Variants in RYR3 observed in about 807,000 individuals in gnomAD.
RYR3 encodes ryanodine receptor 3, also known as brain ryanodine receptor-calcium release channel.
In RYR3, 207 loss-of-function variants were observed where a neutral mutation model predicts 584.3. That is an observed-to-expected ratio of 0.35 (90% CI 0.32 to 0.40). RYR3 has a LOEUF of 0.40. RYR3 is among the 10% of genes least tolerant of loss of function. RYR3 has a pLI of 1.00. For synonymous variants in RYR3, 2,416 were observed against 2,248.5 expected, an observed-to-expected ratio of 1.07 and a Z score of -2.11; for missense variants, 5,616 against 6,089.2, an observed-to-expected ratio of 0.92 and a Z score of 2.59.
At chr15:33,615,249 CAAAG>C (rs1303429440) in intron 19 of RYR3, among the ~76,000 whole-genome samples, 1 of 152,084 alleles carries the variant, frequency 6.6e-6, no homozygotes, top group East Asian at 1.9e-4. Flanking sequence ...TCTGGGATCA[CAAAG>C]AAACCATTTC....
chr15:33,621,819 G>C (rs1334043733), intron 19 of RYR3, among the ~76,000 whole-genome samples: 1 of 152,142 alleles, frequency 6.6e-6, no homozygotes, highest in Non-Finnish European at 1.5e-5. Flanking sequence ...TCACGATTAG[G>C]ATATTTCCAC....
intron 81 of RYR3, 150 bp from the exon 82 acceptor site, chr15:33,825,453 T>G: frequency 1.8e-6 from 1 of 550,448 alleles, no homozygotes; most frequent in Non-Finnish European, 3.3e-6. Flanking sequence ...AACCAAGGAA[T>G]CATTAGACTT....
chr15:33,696,561 T>A, intron 39 of RYR3, 70 bp downstream of exon 39: 1 of 1,441,996 alleles, frequency 6.9e-7, no homozygotes, highest in Admixed American at 1.8e-5. Flanking sequence ...TACCTTGATA[T>A]AGAGATATAG....
At chr15:33,731,847 G>A (rs948929423) in intron 48 of RYR3, among the ~76,000 whole-genome samples, 153 bp downstream of exon 48, 16 of 152,182 alleles carry the variant, frequency 1.1e-4, no homozygotes, top group Non-Finnish European at 7.3e-5. Flanking sequence ...GGATGTGCTC[G>A]GCTCCCCTAT....
intron 1 of RYR3, among the ~76,000 whole-genome samples, chr15:33,323,267 A>G (rs941128554): frequency 6.6e-6 from 1 of 151,978 alleles, no homozygotes; most frequent in Non-Finnish European, 1.5e-5. Context: ...ACCCGCCACC[A>G]TGCCCAGCTT....
At chr15:33,454,227 TCTGA>T (rs1314886258) in intron 1 of RYR3, among the ~76,000 whole-genome samples, 4 of 152,220 alleles carry the variant, frequency 2.6e-5, no homozygotes, top group Admixed American at 1.3e-4. Flanking sequence ...CTAACGGCAC[TCTGA>T]CTGAGTATCC....
At chr15:33,360,759 G>T (rs1287338806) in intron 1 of RYR3, among the ~76,000 whole-genome samples, 1 of 152,252 alleles carries the variant, frequency 6.6e-6, no homozygotes, top group African/African-American at 2.4e-5. Context: ...TTGCACCTGG[G>T]TGGCTTAACT....
At chr15:33,773,203 C>T (rs186867020) in intron 63 of RYR3, among the ~76,000 whole-genome samples, 1 of 152,320 alleles carries the variant, frequency 6.6e-6, no homozygotes, top group South Asian at 2.1e-4. Context: ...TAAAACTGGG[C>T]TAAAATGTCT....
At chr15:33,725,077 T>G (rs1275801977) in intron 45 of RYR3, among the ~76,000 whole-genome samples, 1 of 151,528 alleles carries the variant, frequency 6.6e-6, no homozygotes, top group Non-Finnish European at 1.5e-5. Flanking sequence ...GAAGGCAGCA[T>G]GGGATAGCTC....
At chr15:33,523,411 C>T (rs570319466) in intron 3 of RYR3, among the ~76,000 whole-genome samples, 2 of 152,180 alleles carry the variant, frequency 1.3e-5, no homozygotes, top group South Asian at 2.1e-4. Context: ...CTGAAGTCAG[C>T]GAGACCACCA....
chr15:33,572,822 A>G (rs1479519035), intron 12 of RYR3, among the ~76,000 whole-genome samples: 2 of 151,970 alleles, frequency 1.3e-5, no homozygotes, highest in Non-Finnish European at 2.9e-5. Context: ...TAAAAATACA[A>G]AAATAGCCGG....
intron 1 of RYR3, among the ~76,000 whole-genome samples, chr15:33,451,987 C>A (rs2047168003): frequency 1.3e-5 from 2 of 152,204 alleles, no homozygotes; most frequent in African/African-American, 4.8e-5. Context: ...CAGACTTAAT[C>A]AAACTGTCTA....
chr15:33,633,070 G>A lies in RYR3; in HGVS notation c.2989G>A (p.Asp997Asn), dbSNP rs1488028526. 6.2e-7 allele frequency: 1 copy of A among 1,613,998 alleles called. No individual in the cohort carries two copies. The highest frequency in any genetic ancestry group is 2.2e-5 in the East Asian group (1 of 44,890). The change falls in exon 24 of 104, where the codon GAC becomes AAC. Residue 997 changes from aspartate (D) to asparagine (N), a missense_variant. By Grantham distance (23) the Asp-to-Asn change is conservative. Transcript: ENST00000634891. The stretch of plus-strand genomic sequence containing the variant: ...AAATGCACACAATGTTTGGGCAAAA[G>A]ACAGAATAAAACAAGGATGGACCTA... ...AENAHNVWAK[D>N]RIKQGWTYGI... is the part of the protein sequence containing the mutation.
Position 33,312,989 on chromosome 15 carries a change from T to A in RYR3, c.51+1893T>A, listed in dbSNP as rs535650881. Among the ~76,000 whole-genome samples, 247 of 152,348 alleles carry A rather than the reference T, an allele frequency of 1.6e-3. 1 individual carries two copies. In the Middle Eastern group the frequency reaches 0.024, roughly 15 times the overall value. On this transcript the variant is annotated intron_variant, in intron 1 of 103. Coordinates refer to ENST00000634891, the MANE Select transcript of RYR3 (RefSeq NM_001036.6). Reference sequence around the variant, plus strand: ...GCAGACCTCTTTTAAAGTACACCCATGACAGCCTGTGGGGTTCAAGGACCC... The same window carrying A: ...GCAGACCTCTTTTAAAGTACACCCAAGACAGCCTGTGGGGTTCAAGGACCC...
intron 2 of RYR3, among the ~76,000 whole-genome samples, chr15:33,484,794 G>C (rs1362358592): frequency 6.6e-6 from 1 of 152,120 alleles, no homozygotes; most frequent in African/African-American, 2.4e-5. Context: ...TGGAATTTAT[G>C]AACTAAATTT....
intron 1 of RYR3, among the ~76,000 whole-genome samples, chr15:33,366,849 A>G (rs1244045477): frequency 6.6e-6 from 1 of 152,160 alleles, no homozygotes; most frequent in Non-Finnish European, 1.5e-5. Context: ...GTCAATAGAA[A>G]ATTAGAGGGA....
intron 1 of RYR3, chr15:33,467,521 G>T: frequency 1.0e-6 from 1 of 977,740 alleles, no homozygotes; most frequent in African/African-American, 1.7e-5. Flanking sequence ...GATAAAATAG[G>T]CAAGATCCAT....
At chr15:33,692,756 A>G (rs1344547341) in intron 38 of RYR3, among the ~76,000 whole-genome samples, 1 of 152,054 alleles carries the variant, frequency 6.6e-6, no homozygotes, top group East Asian at 1.9e-4. Context: ...TTTGAGGCTA[A>G]AAGGGTGTTT....
At chr15:33,711,999 T>G (rs1001261646) in intron 43 of RYR3, among the ~76,000 whole-genome samples, 16 of 152,234 alleles carry the variant, frequency 1.1e-4, no homozygotes, top group Admixed American at 5.9e-4. Flanking sequence ...AAAAGAAGTT[T>G]AATTGGCTCG....
Sources: allele counts gnomAD v4.1 joint callset (sites outside exome capture counted in the v4.1 genomes callset), GRCh38; gene constraint gnomAD v4.1.1; transcripts MANE v1.5; gene names NCBI Gene and HGNC (gene_info 2026-07-23, HGNC 2026-07-21).